Variants in ABCB9 observed in about 807,000 individuals in gnomAD.
The protein encoded by ABCB9 is ABC-type oligopeptide transporter ABCB9.
Under a neutral mutation model 62.0 loss-of-function variants are expected in ABCB9, and 36 were observed. The ratio of observed to expected loss-of-function variants is 0.58; its 90% CI spans 0.45 to 0.77. The LOEUF is 0.77. Ranked by LOEUF, ABCB9 falls within the 30% of genes least tolerant of loss-of-function variation. The pLI, the probability that ABCB9 is intolerant of heterozygous loss-of-function variation, is 0.00. For synonymous variants in ABCB9, 435 were observed against 461.4 expected, an observed-to-expected ratio of 0.94 and a Z score of 0.73; for missense variants, 943 against 1,054.7, an observed-to-expected ratio of 0.89 and a Z score of 1.47.
intron 9 of ABCB9, among the ~76,000 whole-genome samples, chr12:122,935,876 T>A (rs2135782545): frequency 6.6e-6 from 1 of 152,212 alleles, no homozygotes; most frequent in East Asian, 1.9e-4. Flanking sequence ...GGAGCTATCA[T>A]CTCTAGATTC....
Position 122,929,732 on chromosome 12 carries a change from C to T in ABCB9, c.*179G>A, listed in dbSNP as rs2035035526. ...CTCAGGGCAGCAGGGGTAAGGAGTGCCCTGGGAATGGGGCAGGGACCAGGG... is the reference window on the plus strand; with the variant it reads ...CTCAGGGCAGCAGGGGTAAGGAGTGTCCTGGGAATGGGGCAGGGACCAGGG... On this transcript the variant is annotated 3_prime_UTR_variant, in exon 12 of 12. Coordinates refer to ENST00000280560, the MANE Select transcript of ABCB9 (RefSeq NM_019625.4). This position sits in a 1 kb window ranked among gnomAD's most constrained non-coding sequence, Gnocchi z 6.0. 1 of 1,383,096 alleles carries T rather than the reference C, an allele frequency of 7.2e-7. No homozygotes were observed. The highest frequency in any genetic ancestry group is 2.6e-5 in the East Asian group (1 of 38,884). 85.7% of individuals were successfully genotyped at this position (1,383,096 alleles called of 1,614,324 possible). A position where few individuals can be genotyped will look rare whatever the true frequency, so the allele number is the denominator to read the frequency against.
In ABCB9 at chr12:122,940,060, C is replaced by G. The variant is rs767946076; in HGVS notation, c.1743+51G>C. 10 of 1,562,364 alleles carry G rather than the reference C, an allele frequency of 6.4e-6. No individual in the cohort carries two copies. Among genetic ancestry groups the G allele is most frequent in the Non-Finnish European group, 8.7e-6 (10 of 1,151,346 alleles). ...CACCTGTTACAGCTCACAAGAAAGA[C>G]GGTTAGATGCAGAAAGGGCGGAGAA... is the stretch of plus-strand genomic sequence containing the variant. On this transcript the variant is annotated intron_variant, in intron 9 of 11. Coordinates refer to ENST00000280560, the MANE Select transcript of ABCB9 (RefSeq NM_019625.4). The surrounding 1 kb of genome is among the most constrained non-coding windows in gnomAD (Gnocchi z 4.8).
At chr12:122,948,312 A>G (rs1035129084) in intron 5 of ABCB9, 3 of 219,982 alleles carry the variant, frequency 1.4e-5, no homozygotes, top group African/African-American at 6.9e-5. Flanking sequence ...TCTCCTTAGC[A>G]CTGACCATCT....
In ABCB9 at chr12:122,964,820, G is replaced by A. The variant is rs953893614; in HGVS notation, c.-88+1467C>T. ...GACAGGGGTGGCTCGCCCTGACTCC[G>A]TGCACTAAAGAATGGCACAGGATAA... On this transcript the variant is annotated intron_variant, in intron 1 of 11. Transcript: ENST00000280560. The surrounding 1 kb of genome is among the most constrained non-coding windows in gnomAD (Gnocchi z 4.7). Among the ~76,000 whole-genome samples, 3 of 152,332 alleles carry A rather than the reference G, an allele frequency of 2.0e-5. No individual in the cohort carries two copies. Among genetic ancestry groups the A allele is most frequent in the East Asian group, 3.9e-4 (2 of 5,186 alleles).
Position 122,946,089 on chromosome 12 carries a change from T to G in ABCB9, c.1187A>C (p.Gln396Pro). ...CTTCCTGTTCAGCTTGTACACCTGC[T>G]GCAGCTTCCGCAGGTACACCTCTGC... ...EEAEVYLRKL[Q>P]QVYKLNRKEA... is the part of the protein sequence containing the mutation. The change falls in exon 6 of 12, where the codon CAG becomes CCG. Residue 396 changes from glutamine (Q) to proline (P), a missense_variant. By Grantham distance (76) the Gln-to-Pro change is moderately conservative. Transcript: ENST00000280560. 6.2e-7 allele frequency: 1 copy of G among 1,614,056 alleles called. No individual in the cohort carries two copies. Among genetic ancestry groups the G allele is most frequent in the African/African-American group, 1.3e-5 (1 of 75,036 alleles).
chr12:122,942,362 C>A (rs559602038), intron 7 of ABCB9, among the ~76,000 whole-genome samples: 3 of 151,864 alleles, frequency 2.0e-5, no homozygotes, highest in Non-Finnish European at 4.4e-5. Context: ...CGGAGGCAGG[C>A]GGATCATTTG....
intron 2 of ABCB9, chr12:122,951,977 G>A (rs527720659): frequency 6.6e-6 from 1 of 152,312 alleles, no homozygotes; most frequent in South Asian, 2.1e-4. Flanking sequence ...GATGGGATGA[G>A]GGCCCTTTTC....
At position 122,947,370 on chromosome 12, in the gene ABCB9, T is replaced by C. The variant is rs1248395239; in HGVS notation, c.1054-1148A>G. ...CTACCTGTGTGGCTGGAGAAGACTG[T>C]GGGGAGTGGCCTCACCGGGGGCTGG... On this transcript the variant is annotated intron_variant, in intron 5 of 11. Coordinates refer to ENST00000280560, the MANE Select transcript of ABCB9 (RefSeq NM_019625.4). This position sits in a 1 kb window ranked among gnomAD's most constrained non-coding sequence, Gnocchi z 6.0. 1 of 377,766 alleles carries C rather than the reference T, an allele frequency of 2.6e-6. No homozygotes were observed. Among genetic ancestry groups the C allele is most frequent in the East Asian group, 7.7e-5 (1 of 12,922 alleles). The allele number at this position is 377,766 out of a possible 1,614,324, so 23.4% of individuals were successfully genotyped here.
At chr12:122,969,174 A>AC (rs56058123), upstream of ABCB9, among the ~76,000 whole-genome samples, 85 of 138,118 alleles carry the variant, frequency 6.2e-4, 1 homozygote, top group South Asian at 4.5e-3. Context: ...CATCCTTTCC[A>AC]CCCCCCCCCC....
chr12:122,938,661 T>C (rs1013871185), intron 9 of ABCB9, among the ~76,000 whole-genome samples: 1 of 151,834 alleles, frequency 6.6e-6, no homozygotes, highest in Non-Finnish European at 1.5e-5. Flanking sequence ...ATGCCGTCTC[T>C]ACTAAAAATA....
intron 6 of ABCB9, among the ~76,000 whole-genome samples, chr12:122,945,370 TC>T: frequency 6.6e-6 from 1 of 151,936 alleles, no homozygotes; most frequent in Non-Finnish European, 1.5e-5. Context: ...ATCCAAGTGC[TC>T]CCCATCCTCC....
At chr12:122,935,521 C>T in intron 9 of ABCB9, 90 bp from the exon 10 acceptor site, 1 of 1,478,690 alleles carries the variant, frequency 6.8e-7, no homozygotes, top group African/African-American at 1.4e-5. Flanking sequence ...CCTGGAGACA[C>T]CAGCAGTCTC....
rs376731935 is a variant in ABCB9, at chr12:122,960,198, A to G, written c.38T>C (p.Phe13Ser). 3.0e-5 allele frequency: 49 copies of G among 1,613,260 alleles called. No homozygotes were observed. The African/African-American group carries it at 5.9e-4, about 19-fold the overall frequency. Reference sequence around the variant, plus strand: ...GGTCACGCAGATGTCCACACTCATGAAGGCCAAAGTCACCACCACCGCCTT... The same window carrying G: ...GGTCACGCAGATGTCCACACTCATGGAGGCCAAAGTCACCACCACCGCCTT... ...LWKAVVVTLAFMSVDICVTTA... is the reference protein window; with the variant it reads ...LWKAVVVTLASMSVDICVTTA... The change falls in exon 2 of 12, where the codon TTC becomes TCC. Residue 13 changes from phenylalanine (F) to serine (S), a missense_variant. Coordinates refer to ENST00000280560, the MANE Select transcript of ABCB9 (RefSeq NM_019625.4).
Position 122,929,907 on chromosome 12 carries a change from C to T in ABCB9, c.*4G>A, listed in dbSNP as rs773460222. On this transcript the variant is annotated 3_prime_UTR_variant, in exon 12 of 12. Transcript: ENST00000280560. The surrounding 1 kb of genome is among the most constrained non-coding windows in gnomAD (Gnocchi z 6.0). ...GCCCCACCGGGAGAAGCAGGGGCCC[C>T]CCATCAGGCCTTGTGACTGCCGTTG... 3 of 1,529,232 alleles carry T rather than the reference C, an allele frequency of 2.0e-6. No homozygotes were observed. The highest frequency in any genetic ancestry group is 2.3e-5 in the East Asian group (1 of 43,668). The allele number at this position is 1,529,232 out of a possible 1,614,324, so 94.7% of individuals were successfully genotyped here.
chr12:122,919,881 G>GTTTGTTTATTTA (rs1555268630), downstream of ABCB9, among the ~76,000 whole-genome samples: 9 of 138,896 alleles, frequency 6.5e-5, no homozygotes, highest in South Asian at 1.4e-3. Flanking sequence ...CTGTTTGTTT[G>GTTTGTTTATTTA]TTTATTTATT....
At position 122,949,793 on chromosome 12, in the gene ABCB9, C is replaced by T. The variant is rs759792704; in HGVS notation, c.842G>A (p.Arg281His). The T allele has an allele frequency of 1.9e-4, 308 of 1,614,080 alleles. 1 individual carries two copies. The highest frequency in any genetic ancestry group is 4.9e-4 in the Middle Eastern group (3 of 6,062). ...SQETSFFDEN[R>H]TGDLISRLTS... is the part of the protein sequence containing the mutation. ...AGGGCACTGGAAGGACCAACCTGTG[C>T]GGTTCTCATCAAAGAAGCTTGTCTC... The change falls in exon 4 of 12, where the codon CGC becomes CAC. Residue 281 changes from arginine (R) to histidine (H), a missense_variant. Arg to His is a conservative substitution (Grantham distance 29). Coordinates refer to ENST00000280560, the MANE Select transcript of ABCB9 (RefSeq NM_019625.4).
chr12:122,922,454 A>G (rs2034771751), intron 11 of ABCB9, among the ~76,000 whole-genome samples: 1 of 149,558 alleles, frequency 6.7e-6, no homozygotes, highest in Non-Finnish European at 1.5e-5. Context: ...ATCTTAGCTC[A>G]TTGCAACCTC....
intron 1 of ABCB9, among the ~76,000 whole-genome samples, chr12:122,962,463 C>A (rs552546611): frequency 5.3e-5 from 8 of 152,194 alleles, no homozygotes; most frequent in Non-Finnish European, 8.8e-5. Flanking sequence ...GAAGCTCTGG[C>A]GCCCAGGTGC....
upstream of ABCB9, among the ~76,000 whole-genome samples, chr12:122,969,687 T>C (rs1266131292): frequency 6.7e-6 from 1 of 150,168 alleles, no homozygotes; most frequent in East Asian, 2.0e-4. Flanking sequence ...CAATGAGCTG[T>C]GTCCATACCA....
Sources: allele counts gnomAD v4.1 joint callset (sites outside exome capture counted in the v4.1 genomes callset), GRCh38; gene constraint gnomAD v4.1.1; non-coding constraint Gnocchi (gnomAD v3.1); transcripts MANE v1.5; gene names NCBI Gene and HGNC (gene_info 2026-07-23, HGNC 2026-07-21).